The following DOK5 variants were observed in gnomAD, a reference collection of about 807,000 sequenced individuals.
The protein encoded by DOK5 is downstream of tyrosine kinase 5.
In DOK5, 27 loss-of-function variants were observed where a neutral mutation model predicts 43.3. The ratio of observed to expected loss-of-function variants is 0.62; its 90% CI spans 0.46 to 0.86. The LOEUF (loss-of-function observed/expected upper bound fraction) is 0.86. DOK5 is among the 40% of genes least tolerant of loss of function. The probability of loss-of-function intolerance (pLI) is 0.00; values close to 1 mark genes in which losing one functional copy is unlikely to be tolerated. For synonymous variants in DOK5, 146 were observed against 140.1 expected, an observed-to-expected ratio of 1.04 and a Z score of -0.30; for missense variants, 373 against 392.9, an observed-to-expected ratio of 0.95 and a Z score of 0.43.
rs73624118 is a variant in DOK5, at chr20:54,582,423, G to A, written c.175-6060G>A. Among the ~76,000 whole-genome samples, 120 of 151,768 alleles carry A rather than the reference G, an allele frequency of 7.9e-4. No homozygotes were observed. The East Asian group carries it at 0.02, about 25-fold the overall frequency. On this transcript the variant is annotated intron_variant, in intron 2 of 7. Coordinates refer to ENST00000262593, the MANE Select transcript of DOK5 (RefSeq NM_018431.5). ...TCTTCAGTTTTTTTGAAGAGGTTGA[G>A]AAGAATTTGCATTAATTCTTCTTTA...
chr20:54,573,686 C>CAAAAAAAAA (rs1321685949), intron 2 of DOK5, among the ~76,000 whole-genome samples: 2 of 50,968 alleles, frequency 3.9e-5, no homozygotes, highest in Non-Finnish European at 8.3e-5. Context: ...GACTCCATCT[C>CAAAAAAAAA]AAAAAAAAAA....
intron 2 of DOK5, 122 bp from the exon 3 acceptor site, chr20:54,588,361 T>G: frequency 1.3e-6 from 1 of 746,354 alleles, no homozygotes; most frequent in Admixed American, 2.3e-5. Flanking sequence ...ATGTAGATAC[T>G]TTTTCAACAG....
At chr20:54,508,832 G>A (rs1982911265) in intron 1 of DOK5, among the ~76,000 whole-genome samples, 1 of 151,972 alleles carries the variant, frequency 6.6e-6, no homozygotes, top group Non-Finnish European at 1.5e-5. Flanking sequence ...TGCACCCCTT[G>A]GCCTCCCAGA....
chr20:54,646,531 A>G (rs562434784), intron 7 of DOK5, among the ~76,000 whole-genome samples: 1 of 152,232 alleles, frequency 6.6e-6, no homozygotes, highest in Non-Finnish European at 1.5e-5. Context: ...GGAATTATAG[A>G]TATCAGCCAC....
At chr20:54,575,937 G>A (rs897709475) in intron 2 of DOK5, among the ~76,000 whole-genome samples, 1 of 152,152 alleles carries the variant, frequency 6.6e-6, no homozygotes, top group African/African-American at 2.4e-5. Flanking sequence ...ATACATTAGT[G>A]TTTGTTGCAT....
chr20:54,649,996 A>C (rs986797013), intron 7 of DOK5, among the ~76,000 whole-genome samples: 1 of 152,324 alleles, frequency 6.6e-6, no homozygotes, highest in East Asian at 1.9e-4. Context: ...GAAATAATAA[A>C]GGCTAAATGA....
rs1407980461 is a variant in DOK5 at position 54,480,962 on chromosome 20, C to CT, written c.66+4950_66+4951insT. On this transcript the variant is annotated intron_variant, in intron 1 of 7. Transcript: ENST00000262593. ...ATCTATCTATCTATCATCTATCTAT[C>CT]ATCTATCATCTATCTATCTATCATC... 6.2e-3 allele frequency among the ~76,000 whole-genome samples: 728 copies of CT among 118,208 alleles called. 18 individuals are homozygous for CT. The highest frequency in any genetic ancestry group is 8.5e-3 in the Middle Eastern group (2 of 236). 77.5% of individuals were successfully genotyped at this position (118,208 alleles called of 152,430 possible).
intron 2 of DOK5, among the ~76,000 whole-genome samples, chr20:54,581,073 C>T (rs1186913103): frequency 1.3e-5 from 2 of 151,986 alleles, no homozygotes; most frequent in African/African-American, 4.8e-5. Flanking sequence ...AGTAAGGGTA[C>T]AATTTCATTA....
chr20:54,514,681 T>C (rs753621716), intron 1 of DOK5, among the ~76,000 whole-genome samples: 27 of 150,416 alleles, frequency 1.8e-4, no homozygotes, highest in Admixed American at 6.0e-4. Flanking sequence ...ATATGGTGTC[T>C]CTTTGGGACT....
At chr20:54,497,324 A>G (rs1982440486) in intron 1 of DOK5, among the ~76,000 whole-genome samples, 1 of 152,222 alleles carries the variant, frequency 6.6e-6, no homozygotes, top group Admixed American at 6.5e-5. Flanking sequence ...GCAGGCTAAA[A>G]TTGTCATCCA....
At chr20:54,595,419 A>T (rs1986111866) in intron 5 of DOK5, among the ~76,000 whole-genome samples, 1 of 152,210 alleles carries the variant, frequency 6.6e-6, no homozygotes. Flanking sequence ...TGTGGGAGAT[A>T]TTGAACCAGT....
At chr20:54,648,494 C>T (rs1979546311) in intron 7 of DOK5, among the ~76,000 whole-genome samples, 1 of 152,034 alleles carries the variant, frequency 6.6e-6, no homozygotes, top group Non-Finnish European at 1.5e-5. Context: ...CCTGCAACAC[C>T]CCAAGACCTT....
chr20:54,638,136 A>AC (rs68050025), intron 6 of DOK5, among the ~76,000 whole-genome samples: 2 of 151,594 alleles, frequency 1.3e-5, no homozygotes, highest in African/African-American at 4.9e-5. Context: ...AAAAAAAAAA[A>AC]AGATAATCCC....
chr20:54,559,315 T>G (rs1301151396), intron 2 of DOK5, among the ~76,000 whole-genome samples: 1 of 152,198 alleles, frequency 6.6e-6, no homozygotes, highest in Admixed American at 6.5e-5. Context: ...TTAGGTAGCC[T>G]GAGTTCTAAT....
At chr20:54,585,648 A>T (rs1985778547) in intron 2 of DOK5, among the ~76,000 whole-genome samples, 1 of 152,234 alleles carries the variant, frequency 6.6e-6, no homozygotes, top group Non-Finnish European at 1.5e-5. Flanking sequence ...TTAGTTAGTC[A>T]TTAGTGTTTC....
intron 1 of DOK5, among the ~76,000 whole-genome samples, chr20:54,529,067 C>T (rs574148955): frequency 6.6e-6 from 1 of 152,264 alleles, no homozygotes; most frequent in African/African-American, 2.4e-5. Context: ...CAACCAGGTG[C>T]ATACACAATT....
chr20:54,514,867 C>T (rs191608363), intron 1 of DOK5, among the ~76,000 whole-genome samples: 9 of 151,796 alleles, frequency 5.9e-5, no homozygotes, highest in Admixed American at 3.9e-4. Context: ...CCCCATTTCT[C>T]CCTCCCTTCC....
intron 2 of DOK5, among the ~76,000 whole-genome samples, chr20:54,578,614 T>A (rs1985532329): frequency 6.6e-6 from 1 of 152,210 alleles, no homozygotes; most frequent in Non-Finnish European, 1.5e-5. Flanking sequence ...ATACCATTTT[T>A]AATAATAAAA....
chr20:54,531,096 T>C (rs1485441631), intron 1 of DOK5, among the ~76,000 whole-genome samples: 1 of 152,232 alleles, frequency 6.6e-6, no homozygotes, highest in Non-Finnish European at 1.5e-5. Flanking sequence ...TTTTGTCTTA[T>C]GGAGAATGTT....
Sources: allele counts gnomAD v4.1 joint callset (sites outside exome capture counted in the v4.1 genomes callset), GRCh38; gene constraint gnomAD v4.1.1; transcripts MANE v1.5; gene names NCBI Gene and HGNC (gene_info 2026-07-23, HGNC 2026-07-21).